The following DMD variants were observed in gnomAD, a reference collection of about 807,000 sequenced individuals.
The protein encoded by DMD is mutant dystrophin.
Under a neutral mutation model 330.1 loss-of-function variants are expected in DMD, and 63 were observed. That is an observed-to-expected ratio of 0.19 (90% CI 0.16 to 0.24). The LOEUF is 0.24. Ranked by LOEUF, DMD falls within the 10% of genes least tolerant of loss-of-function variation. DMD has a pLI of 1.00. For missense variants in DMD, 3,344 were observed against 2,684.1 expected (o/e 1.25, Z -5.43); for synonymous variants, 1,223 against 959.8 (o/e 1.27, Z -5.07).
chrX:31,920,434 A>G (rs764757202), intron 47 of DMD, among the ~76,000 whole-genome samples: 9 of 112,342 alleles, frequency 8.0e-5, no homozygotes, highest in African/African-American at 2.9e-4. Flanking sequence ...TCCATTTAAT[A>G]TCATTTCACG....
chrX:32,887,745 C>CAAAAAAAAAAAAAAAAAAAAA lies in DMD; in HGVS notation c.94-37946_94-37926dup, dbSNP rs771100080. 9.2e-4 allele frequency among the ~76,000 whole-genome samples: 6 copies of CAAAAAAAAAAAAAAAAAAAAA among 6,493 alleles called. 1 individual carries two copies. Among genetic ancestry groups the CAAAAAAAAAAAAAAAAAAAAA allele is most frequent in the African/African-American group, 1.3e-3 (3 of 2,252 alleles). The allele number at this position is 6,493 out of a possible 115,157, so 5.6% of individuals were successfully genotyped here. A position where few individuals can be genotyped will look rare whatever the true frequency, so the allele number is the denominator to read the frequency against. On this transcript the variant is annotated intron_variant, in intron 2 of 78. Coordinates refer to ENST00000357033, the MANE Select transcript of DMD (RefSeq NM_004006.3). The stretch of plus-strand genomic sequence containing the variant: ...CCTGGGTGACAAAGCAAGACTGTCT[C>CAAAAAAAAAAAAAAAAAAAAA]AAAAAAAAAAAAAAAAAAAAAAAAA...
intron 44 of DMD, among the ~76,000 whole-genome samples, chrX:31,971,369 G>A (rs1434986436): frequency 2.7e-5 from 3 of 112,054 alleles, no homozygotes; most frequent in African/African-American, 9.7e-5. Context: ...ATCAGCAATG[G>A]TTTTATTATT....
intron 44 of DMD, among the ~76,000 whole-genome samples, chrX:32,085,675 CACGCGTAT>C (rs1569541229): frequency 1.4e-4 from 8 of 55,209 alleles, no homozygotes; most frequent in Non-Finnish European, 1.4e-4. Context: ...TATATATACA[CACGCGTAT>C]ATATATACGT....
chrX:31,961,562 A>G (rs2095303293), intron 45 of DMD, among the ~76,000 whole-genome samples: 1 of 111,328 alleles, frequency 9.0e-6, no homozygotes, highest in African/African-American at 3.3e-5. Context: ...ATATATACAT[A>G]CAATATTACA....
chrX:31,996,052 C>G (rs2095583464), intron 44 of DMD, among the ~76,000 whole-genome samples: 1 of 112,004 alleles, frequency 8.9e-6, no homozygotes. Context: ...AATCTACAAA[C>G]GTGACTGCTG....
intron 18 of DMD, chrX:32,517,701 C>G: frequency 2.7e-6 from 1 of 370,993 alleles, no homozygotes; most frequent in Non-Finnish European, 4.7e-6. Context: ...CTTGAGGTAA[C>G]TGAACAATAT....
At chrX:32,214,427 G>T (rs1405081792) in intron 44 of DMD, among the ~76,000 whole-genome samples, 1 of 111,042 alleles carries the variant, frequency 9.0e-6, no homozygotes, top group African/African-American at 3.3e-5. Context: ...AAATTTTGGA[G>T]ATTTGTAGAA....
chrX:31,522,359 C>CTATATATATATATA (rs1163138588), intron 55 of DMD, among the ~76,000 whole-genome samples: 44 of 53,951 alleles, frequency 8.2e-4, no homozygotes, highest in Non-Finnish European at 1.2e-3. Flanking sequence ...CTCTCTCTCT[C>CTATATATATATATA]TCTCTATATA....
intron 11 of DMD, among the ~76,000 whole-genome samples, chrX:32,622,390 T>A (rs994609173): frequency 8.9e-6 from 1 of 112,102 alleles, no homozygotes. Flanking sequence ...TTCTTTTCCT[T>A]ACTACAGGCC....
At chrX:31,661,326 C>T (rs2081112126) in intron 53 of DMD, among the ~76,000 whole-genome samples, 1 of 110,376 alleles carries the variant, frequency 9.1e-6, no homozygotes, top group Non-Finnish European at 1.9e-5. Flanking sequence ...GGGCTCAGGC[C>T]CTTATATAAA....
At chrX:31,428,559 C>A (rs2063839338) in intron 60 of DMD, among the ~76,000 whole-genome samples, 1 of 111,691 alleles carries the variant, frequency 9.0e-6, no homozygotes, top group Admixed American at 9.5e-5. Context: ...AGTCAAGGCC[C>A]ACAGAGGCAA....
chrX:33,305,268 G>A (rs1487911392), intron 1 of DMD, among the ~76,000 whole-genome samples: 2 of 106,327 alleles, frequency 1.9e-5, no homozygotes, highest in Admixed American at 2.0e-4. Flanking sequence ...TCCTTTGTAG[G>A]GACATGGATG....
intron 44 of DMD, among the ~76,000 whole-genome samples, chrX:31,975,143 C>T (rs757482945): frequency 1.9e-4 from 21 of 110,919 alleles, no homozygotes; most frequent in Non-Finnish European, 3.4e-4. Context: ...TTTTTGCCCT[C>T]TGAAACTGAG....
At chrX:33,286,811 G>C (rs767813386) in intron 1 of DMD, among the ~76,000 whole-genome samples, 2 of 112,290 alleles carry the variant, frequency 1.8e-5, no homozygotes, top group Non-Finnish European at 3.8e-5. Context: ...TTGCATGCAG[G>C]TGTGGTTATT....
At chrX:32,385,536 T>C (rs1178290359) in intron 33 of DMD, among the ~76,000 whole-genome samples, 1 of 110,897 alleles carries the variant, frequency 9.0e-6, no homozygotes, top group African/African-American at 3.3e-5. Flanking sequence ...AGAGGAAAAC[T>C]AGACGACTGT....
rs1354619932 is a variant in DMD, at chrX:32,252,816, GTATATAAATA to G, written c.6290+34703_6290+34712del. Among the ~76,000 whole-genome samples, 135 of 17,950 alleles carry G rather than the reference GTATATAAATA, an allele frequency of 7.5e-3. 2 individuals are homozygous for G. The highest frequency in any genetic ancestry group is 0.034 in the South Asian group (25 of 725). The allele number at this position is 17,950 out of a possible 115,157, so 15.6% of individuals were successfully genotyped here. ...TAAATATATATATAAATATATATAA[GTATATAAATA>G]TATATAAATATATATAAATATATAA... On this transcript the variant is annotated intron_variant, in intron 43 of 78. Transcript: ENST00000357033.
At position 32,684,814 on chromosome X, in the gene DMD, T is replaced by C. The variant is rs927820321; in HGVS notation, c.960+13056A>G. Among the ~76,000 whole-genome samples, 6 of 111,631 alleles carry C rather than the reference T, an allele frequency of 5.4e-5. 1 individual carries two copies. Among genetic ancestry groups the C allele is most frequent in the East Asian group, 2.8e-4 (1 of 3,561 alleles). ...TTTTCCTATTGGGGCATTCTAGTTT[T>C]ACTTATTGATTTATCAGCATTATTT... On this transcript the variant is annotated intron_variant, in intron 9 of 78. Coordinates refer to ENST00000357033, the MANE Select transcript of DMD (RefSeq NM_004006.3).
intron 43 of DMD, among the ~76,000 whole-genome samples, chrX:32,257,673 G>C (rs1464841111): frequency 1.8e-5 from 2 of 111,557 alleles, no homozygotes; most frequent in Non-Finnish European, 3.8e-5. Flanking sequence ...AACTCAAGAT[G>C]CATTAAAGAC....
chrX:33,143,976 A>G (rs781177140), intron 1 of DMD, among the ~76,000 whole-genome samples: 1 of 111,855 alleles, frequency 8.9e-6, no homozygotes, highest in Non-Finnish European at 1.9e-5. Context: ...TCTAAAGTAA[A>G]TGATGAAGAT....
Sources: gnomAD v4.1 joint callset for allele counts (sites outside exome capture counted in the v4.1 genomes callset) on GRCh38, gnomAD v4.1.1 for gene constraint, MANE v1.5 for transcripts, NCBI Gene and HGNC (gene_info 2026-07-23, HGNC 2026-07-21) for gene names.